CALM2: variants seen among roughly 807,000 people sequenced by gnomAD.
CALM2 encodes calmodulin 2.
In CALM2, 2 loss-of-function variants were observed where a neutral mutation model predicts 19.8. That is an observed-to-expected ratio of 0.10 (90% confidence interval 0.04 to 0.32). The LOEUF (loss-of-function observed/expected upper bound fraction) is 0.32, where lower values mean the gene tolerates loss of function less well. CALM2 is among the 10% of genes least tolerant of loss of function. The probability of loss-of-function intolerance (pLI) is 1.00; values close to 1 mark genes in which losing one functional copy is unlikely to be tolerated. For missense variants in CALM2, 38 were observed against 178.7 expected (o/e 0.21, Z 4.49); for synonymous variants, 51 against 52.1 (o/e 0.98, Z 0.09).
intron 5 of CALM2, 140 bp from the exon 6 acceptor site, chr2:47,160,944 G>A (rs1277517982): frequency 1.1e-5 from 6 of 548,440 alleles, no homozygotes; most frequent in Admixed American, 3.7e-5. Flanking sequence ...TAAGTACAGA[G>A]GGAAGCTAGT....
In CALM2 at chr2:47,170,725, A is replaced by ATT; in HGVS notation, c.34+7_34+8dup. The ATT allele has an allele frequency of 6.2e-7, 1 of 1,609,124 alleles. No individual in the cohort carries two copies. The highest frequency in any genetic ancestry group is 8.5e-7 in the Non-Finnish European group (1 of 1,175,430). On this transcript the variant is annotated intron_variant, in intron 2 of 5. Coordinates refer to ENST00000272298, the MANE Select transcript of CALM2 (RefSeq NM_001743.6). ...TCTAATGGGTACAATCTAGCTGAGT[A>ATT]TTTCTCACCTGCAATCTGCTCTTCA...
At chr2:47,165,249 G>C (rs777243968) in intron 2 of CALM2, among the ~76,000 whole-genome samples, 10 of 152,182 alleles carry the variant, frequency 6.6e-5, no homozygotes, top group Non-Finnish European at 1.3e-4. Context: ...TGACTACTGG[G>C]TTAGAATTTC....
chr2:47,163,557 C>A (rs111283580), intron 2 of CALM2: 1 of 152,142 alleles, frequency 6.6e-6, no homozygotes, highest in South Asian at 2.1e-4. Flanking sequence ...CTCAGCCTCC[C>A]GAGTAGCTGG....
At chr2:47,175,755 A>C (rs1244286628) in intron 1 of CALM2, among the ~76,000 whole-genome samples, 1 of 150,072 alleles carries the variant, frequency 6.7e-6, no homozygotes, top group East Asian at 2.0e-4. Context: ...GTGCCAGCAG[A>C]GCAGCTGGAG....
intron 5 of CALM2, among the ~76,000 whole-genome samples, chr2:47,161,476 T>G (rs907135150): frequency 6.6e-6 from 1 of 152,242 alleles, no homozygotes; most frequent in Non-Finnish European, 1.5e-5. Flanking sequence ...AGAATCCTAT[T>G]AAAATGCTGA....
chr2:47,176,525 C>G (rs760103591), upstream of CALM2: 1 of 1,587,652 alleles, frequency 6.3e-7, no homozygotes. Flanking sequence ...TCGCCTCCTC[C>G]GCCCCCAGCG....
At position 47,170,781 on chromosome 2, in the gene CALM2, G is replaced by C. The variant is rs1666639561; in HGVS notation, c.4-17C>G. On this transcript the variant is annotated splice_polypyrimidine_tract_variant and intron_variant, in intron 1 of 5. Coordinates refer to ENST00000272298, the MANE Select transcript of CALM2 (RefSeq NM_001743.6). ...TTGGTCAGCCTACAAAGAGATCAAA[G>C]AGGAAGGTTAGTGACTTGAGAGTAT... The C allele has an allele frequency of 2.4e-5, 38 of 1,611,156 alleles. No individual in the cohort carries two copies. The highest frequency in any genetic ancestry group is 3.1e-5 in the Non-Finnish European group (36 of 1,177,440).
At chr2:47,172,311 A>G in intron 1 of CALM2, 1 of 383,354 alleles carries the variant, frequency 2.6e-6, no homozygotes, top group East Asian at 7.8e-5. Context: ...TCTGAGTCAC[A>G]GGCCAGTATC....
intron 1 of CALM2, chr2:47,171,982 T>TAAAAAAAAAAAAAAAAAAAAAA (rs60765781): frequency 9.6e-6 from 1 of 104,078 alleles, no homozygotes; most frequent in Non-Finnish European, 1.8e-5. Context: ...TCAAATTCAT[T>TAAAAAAAAAAAAAAAAAAAAAA]AAAAAAAAAA....
chr2:47,167,814 C>CTTTTTTTTTTTTTTTTTTTTTTTT, intron 2 of CALM2: 10 of 96,478 alleles, frequency 1.0e-4, no homozygotes, highest in African/African-American at 3.9e-4. Flanking sequence ...TTTTTCTTTT[C>CTTTTTTTTTTTTTTTTTTTTTTTT]TTTGAGACAG....
chr2:47,175,308 C>G (rs1230530183), intron 1 of CALM2, among the ~76,000 whole-genome samples: 2 of 152,036 alleles, frequency 1.3e-5, no homozygotes, highest in Non-Finnish European at 2.9e-5. Flanking sequence ...TTTATGTGGT[C>G]GTGGTTCTTG....
chr2:47,160,390 T>A lies in CALM2; in HGVS notation c.*386A>T, dbSNP rs2103820701. 1 of 166,468 alleles carries A rather than the reference T, an allele frequency of 6.0e-6. No homozygotes were observed. The highest frequency in any genetic ancestry group is 1.3e-5 in the Non-Finnish European group (1 of 77,538). The allele number at this position is 166,468 out of a possible 1,614,324, so 10.3% of individuals were successfully genotyped here. Reference sequence around the variant, plus strand: ...TAGTGCAACTTTTAAGTACATATTGTTGACTGTCCATAGTCCACGCAGAGT... The same window carrying A: ...TAGTGCAACTTTTAAGTACATATTGATGACTGTCCATAGTCCACGCAGAGT... On this transcript the variant is annotated 3_prime_UTR_variant, in exon 6 of 6. Transcript: ENST00000272298.
At position 47,164,954 on chromosome 2, in the gene CALM2, C is replaced by T. The variant is rs184709136; in HGVS notation, c.35-2292G>A. Among the ~76,000 whole-genome samples the T allele has an allele frequency of 4.5e-4, 69 of 152,296 alleles. 2 individuals carry two copies. In the Middle Eastern group the frequency reaches 0.034, roughly 75 times the overall value. On this transcript the variant is annotated intron_variant, in intron 2 of 5. Transcript: ENST00000272298. The stretch of plus-strand genomic sequence containing the variant: ...CTCAACTATTCTTCCACTAATTTGC[C>T]CATTACCACATAAATATCTTCACAT...
chr2:47,164,252 AG>A (rs57789257), intron 2 of CALM2, among the ~76,000 whole-genome samples: 1,038 of 70,354 alleles, frequency 0.015, 108 homozygotes, highest in Middle Eastern at 0.041. Context: ...AAAAAAAAAA[AG>A]AAGAAAAAGA....
chr2:47,169,135 C>A (rs6751198), intron 2 of CALM2, among the ~76,000 whole-genome samples: 60 of 152,070 alleles, frequency 3.9e-4, no homozygotes, highest in Non-Finnish European at 6.5e-4. Context: ...CAATGGCACA[C>A]TGAGTAACGT....
intron 1 of CALM2, chr2:47,172,638 T>C (rs934378921): frequency 2.7e-6 from 1 of 364,468 alleles, no homozygotes; most frequent in Non-Finnish European, 4.9e-6. Context: ...AGAAAATTTA[T>C]GCAAACTAAA....
At chr2:47,172,344 G>T in intron 1 of CALM2, 1 of 460,844 alleles carries the variant, frequency 2.2e-6, no homozygotes, top group Admixed American at 2.6e-5. Context: ...TTTAATAGCT[G>T]TGTGACCTTG....
intron 1 of CALM2, among the ~76,000 whole-genome samples, chr2:47,175,036 G>A (rs575990602): frequency 6.9e-6 from 1 of 145,302 alleles, no homozygotes; most frequent in South Asian, 2.2e-4. Context: ...CACTTGGCAG[G>A]AGGAACCACA....
At chr2:47,163,453 A>G (rs34421495) in intron 2 of CALM2, 4,980 of 148,718 alleles carry the variant, frequency 0.033, 116 homozygotes, top group African/African-American at 0.063. Flanking sequence ...TTTTTTTGAG[A>G]TGGACTTTCG....
Sources: allele counts gnomAD v4.1 joint callset (sites outside exome capture counted in the v4.1 genomes callset), GRCh38; gene constraint gnomAD v4.1.1; transcripts MANE v1.5; gene names NCBI Gene and HGNC (gene_info 2026-07-23, HGNC 2026-07-21).